The following RMND1 variants were observed in gnomAD, a reference collection of about 807,000 sequenced individuals.
RMND1 encodes the protein required for meiotic nuclear division 1 homolog.
A neutral mutation model predicts 54.0 loss-of-function variants in RMND1; 41 were observed. The observed-to-expected ratio is 0.76, with a 90% CI of 0.59 to 0.98. The LOEUF (loss-of-function observed/expected upper bound fraction) is 0.98, where lower values mean the gene tolerates loss of function less well. Ranked by LOEUF, RMND1 falls within the 50% of genes least tolerant of loss-of-function variation. The pLI is 0.00. For synonymous variants in RMND1, 183 were observed against 181.7 expected (o/e 1.01, Z -0.06); for missense variants, 457 against 532.0 (o/e 0.86, Z 1.39).
intron 6 of RMND1, among the ~76,000 whole-genome samples, chr6:151,424,000 A>C (rs1320837093): frequency 6.6e-6 from 1 of 151,946 alleles, no homozygotes; most frequent in Non-Finnish European, 1.5e-5. Context: ...GGCATGCGTA[A>C]CCACACCCAG....
At chr6:151,435,569 C>T (rs961015125) in intron 3 of RMND1, among the ~76,000 whole-genome samples, 5 of 151,398 alleles carry the variant, frequency 3.3e-5, no homozygotes, top group African/African-American at 4.9e-5. Context: ...TCTAACTAAT[C>T]GTTTTATTAT....
Position 151,405,164 on chromosome 6 carries a change from C to A in RMND1, c.*71G>T, listed in dbSNP as rs1044720212. 1 of 1,442,016 alleles carries A rather than the reference C, an allele frequency of 6.9e-7. No individual in the cohort carries two copies. The highest frequency in any genetic ancestry group is 9.7e-7 in the Non-Finnish European group (1 of 1,026,252). The allele number at this position is 1,442,016 out of a possible 1,614,324, so 89.3% of individuals were successfully genotyped here. On this transcript the variant is annotated 3_prime_UTR_variant, in exon 12 of 12. Transcript: ENST00000444024. ...GGATTACAGGCATGAGGCACCGCGCCGGGCCGAACATTTAATTTTTGATTG... is the reference window on the plus strand; with the variant it reads ...GGATTACAGGCATGAGGCACCGCGCAGGGCCGAACATTTAATTTTTGATTG...
intron 6 of RMND1, among the ~76,000 whole-genome samples, chr6:151,424,842 CA>C (rs1780250363): frequency 6.6e-6 from 1 of 151,792 alleles, no homozygotes; most frequent in Non-Finnish European, 1.5e-5. Flanking sequence ...AGATGTCAGA[CA>C]AGAAGTGACG....
At chr6:151,446,039 C>T (rs1009441650) in intron 1 of RMND1, 3 of 490,042 alleles carry the variant, frequency 6.1e-6, no homozygotes, top group Admixed American at 7.3e-5. Context: ...TGGAAGATTA[C>T]AAGATTATAA....
At chr6:151,429,914 T>G (rs1479567914) in intron 5 of RMND1, among the ~76,000 whole-genome samples, 1 of 152,170 alleles carries the variant, frequency 6.6e-6, no homozygotes. Context: ...ATGGTTCTGA[T>G]TCTCCACAAA....
chr6:151,437,212 C>T (rs181072939), intron 2 of RMND1, among the ~76,000 whole-genome samples: 22 of 152,206 alleles, frequency 1.4e-4, no homozygotes, highest in Admixed American at 2.6e-4. Flanking sequence ...CTGTAAGTCA[C>T]AACACATTAG....
At chr6:151,445,147 T>A in intron 2 of RMND1, 161 bp downstream of exon 2, 1 of 635,408 alleles carries the variant, frequency 1.6e-6, no homozygotes, top group Non-Finnish European at 2.6e-6. Flanking sequence ...ATTAAGATTC[T>A]GAATCCCTTT....
intron 1 of RMND1, among the ~76,000 whole-genome samples, chr6:151,446,197 TG>T (rs1780947745): frequency 6.6e-6 from 1 of 151,762 alleles, no homozygotes; most frequent in Non-Finnish European, 1.5e-5. Context: ...CTGAGGCAGG[TG>T]GATCGCTTGA....
chr6:151,427,129 A>T (rs1780320984), intron 6 of RMND1, among the ~76,000 whole-genome samples: 1 of 151,524 alleles, frequency 6.6e-6, no homozygotes. Context: ...CTGTAATCCC[A>T]GCACTTTGAG....
rs528642361 is a variant in RMND1 at position 151,429,123 on chromosome 6, C to CTTTTT, written c.729+1010_729+1014dup. Reference sequence around the variant, plus strand: ...TATATTGGTTATATTTTGTAACCCGCTTTTTTTTTTTTTTGAAGACAAGAG... The same window carrying CTTTTT: ...TATATTGGTTATATTTTGTAACCCGCTTTTTTTTTTTTTTTTTTTGAAGACAAGAG... On this transcript the variant is annotated intron_variant, in intron 5 of 11. Coordinates refer to ENST00000444024, the MANE Select transcript of RMND1 (RefSeq NM_017909.4). Among the ~76,000 whole-genome samples the CTTTTT allele has an allele frequency of 1.4e-3, 190 of 140,042 alleles. 1 individual carries two copies. The highest frequency in any genetic ancestry group is 0.011 in the Middle Eastern group (3 of 282). 91.9% of individuals were successfully genotyped at this position (140,042 alleles called of 152,430 possible).
intron 3 of RMND1, among the ~76,000 whole-genome samples, chr6:151,435,307 G>C (rs1375621697): frequency 2.0e-5 from 3 of 148,966 alleles, no homozygotes; most frequent in Non-Finnish European, 4.5e-5. Flanking sequence ...CACCATACCT[G>C]GCTAATTTTT....
In RMND1 at chr6:151,410,048, CTT is replaced by C. The variant is rs559080634; in HGVS notation, c.1201-4214_1201-4213del. On this transcript the variant is annotated intron_variant, in intron 10 of 11. Transcript: ENST00000444024. ...AGGGGGAATAAAAAACCCCGCTACT[CTT>C]TGTTCCATTTTTTTTTTTTTTTGAG... is the stretch of plus-strand genomic sequence containing the variant. Among the ~76,000 whole-genome samples, 682 of 146,394 alleles carry C rather than the reference CTT, an allele frequency of 4.7e-3. 4 individuals carry two copies. Among genetic ancestry groups the C allele is most frequent in the Middle Eastern group, 0.018 (5 of 276 alleles).
chr6:151,444,350 G>A (rs748735958), intron 2 of RMND1: 45 of 152,288 alleles, frequency 3.0e-4, no homozygotes, highest in African/African-American at 1.0e-3. Context: ...CATCCTTCAC[G>A]TCCTGAGTTC....
intron 10 of RMND1, among the ~76,000 whole-genome samples, chr6:151,410,893 A>G (rs928378913): frequency 6.6e-6 from 1 of 152,210 alleles, no homozygotes; most frequent in African/African-American, 2.4e-5. Context: ...CAGGTCTTCT[A>G]CATACAAGAT....
chr6:151,451,547 G>A (rs887445198), intron 1 of RMND1, among the ~76,000 whole-genome samples: 1 of 152,160 alleles, frequency 6.6e-6, no homozygotes, highest in South Asian at 2.1e-4. Context: ...GAAGCTCCCT[G>A]AGGATACGGA....
At chr6:151,444,392 A>C (rs1289208729) in intron 2 of RMND1, 1 of 152,266 alleles carries the variant, frequency 6.6e-6, no homozygotes, top group African/African-American at 2.4e-5. Context: ...AAAGCATTCC[A>C]GAATCCAACA....
At chr6:151,415,759 C>T (rs1779985099) in intron 10 of RMND1, among the ~76,000 whole-genome samples, 1 of 145,306 alleles carries the variant, frequency 6.9e-6, no homozygotes, top group East Asian at 2.1e-4. Context: ...AGCCACTGCA[C>T]TCCAGCCTGG....
At chr6:151,407,859 C>T (rs965946550) in intron 10 of RMND1, among the ~76,000 whole-genome samples, 12 of 152,038 alleles carry the variant, frequency 7.9e-5, no homozygotes, top group African/African-American at 2.9e-4. Context: ...TGCAGTGAGC[C>T]AAGATCGCGC....
At chr6:151,447,195 G>A (rs896214013) in intron 1 of RMND1, among the ~76,000 whole-genome samples, 1 of 152,174 alleles carries the variant, frequency 6.6e-6, no homozygotes, top group Admixed American at 6.5e-5. Context: ...GTGAGCTGCA[G>A]GAGGTAAGGA....
Sources: gnomAD v4.1 joint callset for allele counts (sites outside exome capture counted in the v4.1 genomes callset) on GRCh38, gnomAD v4.1.1 for gene constraint, MANE v1.5 for transcripts, NCBI Gene and HGNC (gene_info 2026-07-23, HGNC 2026-07-21) for gene names.